DNAH14: variants seen among roughly 807,000 people sequenced by gnomAD.
DNAH14 encodes the protein axonemal beta dynein heavy chain 14.
Under a neutral mutation model 520.9 loss-of-function variants are expected in DNAH14, and 478 were observed. The ratio of observed to expected loss-of-function variants is 0.92; its 90% CI spans 0.85 to 0.99. The LOEUF (loss-of-function observed/expected upper bound fraction) is 0.99. Ranked by LOEUF, DNAH14 falls within the 50% of genes least tolerant of loss-of-function variation. The probability of loss-of-function intolerance (pLI) is 0.00; values close to 1 mark genes in which losing one functional copy is unlikely to be tolerated. For synonymous variants in DNAH14, 1,581 were observed against 1,757.2 expected, an observed-to-expected ratio of 0.90 and a Z score of 2.51; for missense variants, 4,831 against 5,234.5, an observed-to-expected ratio of 0.92 and a Z score of 2.38.
chr1:225,230,707 T>A (rs2091017715), intron 41 of DNAH14, among the ~76,000 whole-genome samples: 1 of 152,160 alleles, frequency 6.6e-6, no homozygotes, highest in African/African-American at 2.4e-5. Context: ...CCCCACTTTA[T>A]GAGGGCCGAT....
intron 46 of DNAH14, among the ~76,000 whole-genome samples, chr1:225,259,536 A>G (rs1452577707): frequency 6.6e-6 from 1 of 152,202 alleles, no homozygotes; most frequent in African/African-American, 2.4e-5. Flanking sequence ...TAATTCACAT[A>G]CCATTACCTC....
intron 17 of DNAH14, among the ~76,000 whole-genome samples, chr1:225,053,652 G>T (rs1266646045): frequency 6.6e-6 from 1 of 152,110 alleles, no homozygotes; most frequent in African/African-American, 2.4e-5. Flanking sequence ...TCTAGGACAT[G>T]AATCAACAGG....
At chr1:224,972,408 A>G (rs1359064300) in intron 7 of DNAH14, among the ~76,000 whole-genome samples, 6 of 151,128 alleles carry the variant, frequency 4.0e-5, no homozygotes, top group African/African-American at 9.7e-5. Context: ...GGTTCAGGCC[A>G]TTCTCCTGCC....
At chr1:225,356,308 G>A (rs1271188436) in intron 73 of DNAH14, among the ~76,000 whole-genome samples, 2 of 152,224 alleles carry the variant, frequency 1.3e-5, no homozygotes, top group Non-Finnish European at 2.9e-5. Flanking sequence ...GCAATAGCTA[G>A]AGCTGAGTAG....
chr1:225,358,636 A>G lies in DNAH14; in HGVS notation c.11760A>G (p.Ile3920Met). The G allele has an allele frequency of 1.3e-6, 2 of 1,547,840 alleles. No homozygotes were observed. Among genetic ancestry groups the G allele is most frequent in the South Asian group, 2.4e-5 (2 of 82,734 alleles). Residue 3920 changes from isoleucine (I) to methionine (M), a missense_variant, in exon 74 of 86, where the codon ATA (isoleucine) becomes ATG (methionine). Coordinates refer to ENST00000682510, the MANE Select transcript of DNAH14 (RefSeq NM_001367479.1). ...GATCCAATGCCAGAACTCCGCTGAT[A>G]CTTATTCAAACTCATGGTAAGCTAT... ...YKGSNARTPL[I>M]LIQTHGIDLT...
chr1:225,151,966 G>T (rs1300786758), intron 31 of DNAH14, 39 bp from the exon 32 acceptor site: 1 of 1,498,722 alleles, frequency 6.7e-7, no homozygotes, highest in Non-Finnish European at 9.1e-7. Context: ...TTGGACTAGA[G>T]AAAACAGTGC....
chr1:224,970,997 A>G (rs76265633), intron 7 of DNAH14, among the ~76,000 whole-genome samples: 6,345 of 152,338 alleles, frequency 0.042, 216 homozygotes, highest in Non-Finnish European at 0.061. Context: ...AAAACATGCA[A>G]ATAGGTAAAA....
At chr1:225,213,604 C>T (rs1198782042) in intron 41 of DNAH14, among the ~76,000 whole-genome samples, 1 of 152,146 alleles carries the variant, frequency 6.6e-6, no homozygotes, top group African/African-American at 2.4e-5. Flanking sequence ...TTCTAATTCT[C>T]CTTGAAGAGG....
chr1:225,131,801 GT>G (rs1401980036), intron 27 of DNAH14, among the ~76,000 whole-genome samples: 1 of 152,166 alleles, frequency 6.6e-6, no homozygotes, highest in Non-Finnish European at 1.5e-5. Flanking sequence ...AAAATTGGCA[GT>G]TCTTTTGAGA....
chr1:225,204,424 T>A (rs576223074), intron 39 of DNAH14, among the ~76,000 whole-genome samples, 151 bp downstream of exon 39: 1 of 152,282 alleles, frequency 6.6e-6, no homozygotes, highest in South Asian at 2.1e-4. Context: ...TTAAAATTTG[T>A]GTAGTGTTAC....
chr1:225,042,110 G>A (rs1338698268), intron 12 of DNAH14, among the ~76,000 whole-genome samples: 4 of 152,230 alleles, frequency 2.6e-5, no homozygotes, highest in East Asian at 1.9e-4. Context: ...GGTGCTATGA[G>A]GTTTATTTAT....
chr1:225,002,837 G>C lies in DNAH14; in HGVS notation c.885G>C (p.Leu295Phe). 1 of 1,548,754 alleles carries C rather than the reference G, an allele frequency of 6.5e-7. No homozygotes were observed. The highest frequency in any genetic ancestry group is 1.2e-5 in the South Asian group (1 of 83,646). The stretch of plus-strand genomic sequence containing the variant: ...CTGATGACTTGTTTCAAACCTGTTT[G>C]GTTTATATAAGAGGACTTTGTGAAG... ...FLADDLFQTC[L>F]VYIRGLCEDA... The change falls in exon 9 of 86, where the codon TTG becomes TTC. Residue 295 changes from leucine to phenylalanine, a missense_variant. By Grantham distance (22) the Leu-to-Phe change is conservative. Coordinates refer to ENST00000682510, the MANE Select transcript of DNAH14 (RefSeq NM_001367479.1).
Position 225,079,562 on chromosome 1 carries a change from G to GT in DNAH14, c.2766+21dup, listed in dbSNP as rs757237785. 1.3e-5 allele frequency: 20 copies of GT among 1,486,216 alleles called. No homozygotes were observed. In the Admixed American group the frequency reaches 2.4e-4, roughly 18 times the overall value. 92.1% of individuals were successfully genotyped at this position (1,486,216 alleles called of 1,614,324 possible). A position where few individuals can be genotyped will look rare whatever the true frequency, so the allele number is the denominator to read the frequency against. ...TTAAAAGCCAAGGTAAGTTTTTAGGGTTTTTTTGGATTTTTTTTTTATTAA... is the reference window on the plus strand; with the variant it reads ...TTAAAAGCCAAGGTAAGTTTTTAGGGTTTTTTTTGGATTTTTTTTTTATTAA... On this transcript the variant is annotated intron_variant, in intron 18 of 85. Coordinates refer to ENST00000682510, the MANE Select transcript of DNAH14 (RefSeq NM_001367479.1).
chr1:225,335,447 G>A lies in DNAH14; in HGVS notation c.10081-1819G>A, dbSNP rs1320664467. ...TGCACGTGTGTACATGTGTGTGTATGCACATATGCACGTGTGTACATGTGT... is the reference window on the plus strand; with the variant it reads ...TGCACGTGTGTACATGTGTGTGTATACACATATGCACGTGTGTACATGTGT... On this transcript the variant is annotated intron_variant, in intron 66 of 85. Coordinates refer to ENST00000682510, the MANE Select transcript of DNAH14 (RefSeq NM_001367479.1). Among the ~76,000 whole-genome samples, 359 of 131,310 alleles carry A rather than the reference G, an allele frequency of 2.7e-3. 11 individuals carry two copies. Among genetic ancestry groups the A allele is most frequent in the Non-Finnish European group, 4.3e-3 (257 of 60,136 alleles). The allele number at this position is 131,310 out of a possible 152,430, so 86.1% of individuals were successfully genotyped here.
chr1:225,319,618 G>A (rs577132726), intron 61 of DNAH14, among the ~76,000 whole-genome samples: 1 of 152,294 alleles, frequency 6.6e-6, no homozygotes, highest in South Asian at 2.1e-4. Context: ...ACAAGCAAGA[G>A]AAGGAGGGAG....
chr1:225,223,655 C>T (rs554174543), intron 41 of DNAH14, among the ~76,000 whole-genome samples: 17 of 152,242 alleles, frequency 1.1e-4, no homozygotes, highest in African/African-American at 3.1e-4. Context: ...GAAGATTGGC[C>T]TCTAGTCGTT....
At chr1:225,037,542 C>A (rs759770480) in intron 11 of DNAH14, among the ~76,000 whole-genome samples, 1 of 152,090 alleles carries the variant, frequency 6.6e-6, no homozygotes, top group Non-Finnish European at 1.5e-5. Flanking sequence ...CTCCTTGCTT[C>A]TTAACTTTTA....
At chr1:225,262,785 C>G (rs1349903128) in intron 46 of DNAH14, among the ~76,000 whole-genome samples, 1 of 151,974 alleles carries the variant, frequency 6.6e-6, no homozygotes, top group Non-Finnish European at 1.5e-5. Flanking sequence ...TGTGATGCCT[C>G]TAAGTTTGTT....
intron 10 of DNAH14, among the ~76,000 whole-genome samples, chr1:225,013,374 G>A (rs1334516505): frequency 1.3e-5 from 2 of 152,090 alleles, no homozygotes; most frequent in African/African-American, 2.4e-5. Flanking sequence ...GATACCAGCC[G>A]GAGCTCTCCT....
Sources: gnomAD v4.1 joint callset for allele counts (sites outside exome capture counted in the v4.1 genomes callset) on GRCh38, gnomAD v4.1.1 for gene constraint, MANE v1.5 for transcripts, NCBI Gene and HGNC (gene_info 2026-07-23, HGNC 2026-07-21) for gene names.